Variants in SUMF1 observed in about 807,000 individuals in gnomAD.
SUMF1 encodes the protein formylglycine-generating enzyme.
Under a neutral mutation model 47.6 loss-of-function variants are expected in SUMF1, and 48 were observed. That is an observed-to-expected ratio of 1.01 (90% confidence interval 0.80 to 1.28). The LOEUF (loss-of-function observed/expected upper bound fraction) is 1.28, where lower values mean the gene tolerates loss of function less well. Among genes scored for constraint, SUMF1 ranks in the 50% most tolerant of loss-of-function variants. The pLI, the probability that SUMF1 is intolerant of heterozygous loss-of-function variation, is 0.00. For missense variants in SUMF1, 571 were observed against 485.4 expected, an observed-to-expected ratio of 1.18 and a Z score of -1.66; for synonymous variants, 230 against 192.1, an observed-to-expected ratio of 1.20 and a Z score of -1.63.
intron 8 of SUMF1, among the ~76,000 whole-genome samples, chr3:4,226,706 T>G (rs997145044): frequency 6.6e-6 from 1 of 152,080 alleles, no homozygotes; most frequent in African/African-American, 2.4e-5. Context: ...ACAAAGTTAC[T>G]CTATAAGCAG....
intron 8 of SUMF1, among the ~76,000 whole-genome samples, chr3:4,333,890 G>T (rs1453029393): frequency 6.6e-6 from 1 of 151,864 alleles, no homozygotes; most frequent in Non-Finnish European, 1.5e-5. Flanking sequence ...CACTTTTAGA[G>T]GCTGGGGTGG....
chr3:4,143,192 A>G (rs1016260834), intron 8 of SUMF1, among the ~76,000 whole-genome samples: 16 of 152,150 alleles, frequency 1.1e-4, no homozygotes, highest in African/African-American at 3.9e-4. Flanking sequence ...AACAACATCT[A>G]CATTTACACA....
downstream of SUMF1, among the ~76,000 whole-genome samples, chr3:4,356,875 G>A (rs1291515736): frequency 6.6e-6 from 1 of 152,170 alleles, no homozygotes; most frequent in Non-Finnish European, 1.5e-5. Flanking sequence ...AACAGGCCTC[G>A]CTCATGCCCA....
intron 8 of SUMF1, among the ~76,000 whole-genome samples, chr3:4,330,702 C>T (rs9877409): frequency 2.0e-5 from 3 of 152,068 alleles, no homozygotes; most frequent in African/African-American, 7.2e-5. Flanking sequence ...GTCTTTTTTT[C>T]CAGCTCATTC....
At chr3:4,128,522 C>A (rs868129128) in intron 8 of SUMF1, among the ~76,000 whole-genome samples, 10 of 152,078 alleles carry the variant, frequency 6.6e-5, no homozygotes, top group Middle Eastern at 3.2e-3. Context: ...TGTTGGCCTC[C>A]CCTGAGGCAG....
At chr3:4,215,052 C>T (rs776341380) in intron 8 of SUMF1, among the ~76,000 whole-genome samples, 2 of 152,124 alleles carry the variant, frequency 1.3e-5, no homozygotes, top group Non-Finnish European at 2.9e-5. Flanking sequence ...TTTTATGAGG[C>T]CAACATCATC....
At chr3:4,390,948 A>C (rs1458382850) in intron 7 of SUMF1, among the ~76,000 whole-genome samples, 1 of 152,220 alleles carries the variant, frequency 6.6e-6, no homozygotes, top group African/African-American at 2.4e-5. Flanking sequence ...AGAAAAATGT[A>C]CATCTACTCC....
At chr3:4,160,938 G>C (rs1236768414) in intron 8 of SUMF1, among the ~76,000 whole-genome samples, 3 of 152,038 alleles carry the variant, frequency 2.0e-5, no homozygotes, top group African/African-American at 7.3e-5. Context: ...TTCACAGTTT[G>C]GGCTTCACAG....
chr3:4,249,271 T>A (rs904060031), intron 8 of SUMF1, among the ~76,000 whole-genome samples: 1 of 152,124 alleles, frequency 6.6e-6, no homozygotes, highest in Non-Finnish European at 1.5e-5. Flanking sequence ...ATACAGACAG[T>A]CTTATTTTAT....
At chr3:4,325,601 A>G (rs1698927886) in intron 8 of SUMF1, among the ~76,000 whole-genome samples, 1 of 135,016 alleles carries the variant, frequency 7.4e-6, no homozygotes, top group Admixed American at 6.9e-5. Flanking sequence ...CTGTGTGTAT[A>G]TATGTGTACA....
chr3:4,124,366 G>A (rs565375594), intron 8 of SUMF1, among the ~76,000 whole-genome samples: 1 of 152,246 alleles, frequency 6.6e-6, no homozygotes, highest in East Asian at 1.9e-4. Context: ...TACAAGTAAT[G>A]TTTATGAAAC....
At chr3:4,076,663 C>A (rs879725398) in intron 8 of SUMF1, among the ~76,000 whole-genome samples, 2 of 152,072 alleles carry the variant, frequency 1.3e-5, no homozygotes, top group Non-Finnish European at 2.9e-5. Context: ...AAACAAAAAA[C>A]CCCATCAAAA....
chr3:4,192,677 G>T (rs546798995), intron 8 of SUMF1, among the ~76,000 whole-genome samples: 1 of 152,084 alleles, frequency 6.6e-6, no homozygotes, highest in Non-Finnish European at 1.5e-5. Context: ...ATGCTAATGA[G>T]GTAACTCAGG....
chr3:4,467,073 G>T lies in SUMF1; in HGVS notation c.173C>A (p.Pro58His). The change falls in exon 1 of 9, where the codon CCT (proline) becomes CAT (histidine). Residue 58 changes from proline (P) to histidine (H), a missense_variant. Transcript: ENST00000272902. ...GGCTGCCGAACTGCCATGGGCGCCA[G>T]GCCGCTGGGGCGTGCCGCAGCCGCA... ...GSCGCGTPQR[P>H]GAHGSSAAAH... 1 of 1,563,154 alleles carries T rather than the reference G, an allele frequency of 6.4e-7. No individual in the cohort carries two copies. Among genetic ancestry groups the T allele is most frequent in the Non-Finnish European group, 8.7e-7 (1 of 1,154,812 alleles).
At chr3:4,231,482 C>T (rs1696298619) in intron 8 of SUMF1, among the ~76,000 whole-genome samples, 1 of 152,154 alleles carries the variant, frequency 6.6e-6, no homozygotes, top group South Asian at 2.1e-4. Flanking sequence ...TTGTCCCTTG[C>T]TGTTACCCAA....
At chr3:4,431,159 G>C (rs1057320857) in intron 3 of SUMF1, among the ~76,000 whole-genome samples, 1 of 152,144 alleles carries the variant, frequency 6.6e-6, no homozygotes, top group Non-Finnish European at 1.5e-5. Context: ...TAGGCAAATA[G>C]AGATGGGTCA....
intron 8 of SUMF1, among the ~76,000 whole-genome samples, chr3:4,171,237 T>A (rs1256161305): frequency 6.6e-6 from 1 of 152,206 alleles, no homozygotes; most frequent in Admixed American, 6.5e-5. Context: ...GTATTGCAGA[T>A]GCTCTGCGAT....
chr3:4,456,293 G>T (rs1286035363), intron 1 of SUMF1, among the ~76,000 whole-genome samples: 1 of 152,080 alleles, frequency 6.6e-6, no homozygotes, highest in Non-Finnish European at 1.5e-5. Flanking sequence ...TTGCCTGTTA[G>T]ATTCAGAACA....
intron 8 of SUMF1, among the ~76,000 whole-genome samples, chr3:4,124,815 A>T (rs1321223585): frequency 6.6e-6 from 1 of 152,104 alleles, no homozygotes; most frequent in Non-Finnish European, 1.5e-5. Flanking sequence ...TCAAAAAAAA[A>T]AACTCAGGAA....
Sources: allele counts gnomAD v4.1 joint callset (sites outside exome capture counted in the v4.1 genomes callset), GRCh38; gene constraint gnomAD v4.1.1; transcripts MANE v1.5; gene names NCBI Gene and HGNC (gene_info 2026-07-23, HGNC 2026-07-21).